HYCC2: variants seen among roughly 807,000 people sequenced by gnomAD.
HYCC2 encodes the protein hyccin 2.
At chr2:201,063,050 C>G in the HYCC2 span, 1 of 1,606,168 alleles carries the variant, frequency 6.2e-7, no homozygotes, top group South Asian at 1.1e-5. Flanking sequence ...TGGACGCCGC[C>G]GAAGAAGCAT....
At chr2:201,044,633 A>T in the HYCC2 span, among the ~76,000 whole-genome samples, 1 of 152,264 alleles carries the variant, frequency 6.6e-6, no homozygotes, top group African/African-American at 2.4e-5. Flanking sequence ...ATTTTTAAAG[A>T]TCTGATAAAT....
chr2:201,066,081 T>C, the HYCC2 span, among the ~76,000 whole-genome samples: 59 of 152,186 alleles, frequency 3.9e-4, no homozygotes, highest in African/African-American at 1.3e-3. Context: ...TTCTTTTCTT[T>C]TTTTTTTTTC....
chr2:201,017,143 A>C, the HYCC2 span: 5 of 1,613,768 alleles, frequency 3.1e-6, no homozygotes, highest in Non-Finnish European at 4.2e-6. Context: ...TAGAGCTCAA[A>C]CAGCTGATGG....
At chr2:201,027,908 T>G in the HYCC2 span, among the ~76,000 whole-genome samples, 1 of 151,970 alleles carries the variant, frequency 6.6e-6, no homozygotes, top group African/African-American at 2.4e-5. Context: ...TGGCACAAGA[T>G]AGGGATGCCC....
chr2:200,997,813 G>A, the HYCC2 span, among the ~76,000 whole-genome samples: 341 of 152,234 alleles, frequency 2.2e-3, 3 homozygotes, highest in African/African-American at 7.9e-3. Flanking sequence ...CGAAGTGGGT[G>A]GATCACAAGG....
the HYCC2 span, among the ~76,000 whole-genome samples, chr2:201,042,415 C>A: frequency 6.6e-5 from 10 of 151,966 alleles, 1 homozygote; most frequent in South Asian, 2.1e-3. Context: ...GCCCGGCCGC[C>A]CATCATCTGG....
At chr2:201,020,333 C>T in the HYCC2 span, among the ~76,000 whole-genome samples, 1 of 152,104 alleles carries the variant, frequency 6.6e-6, no homozygotes, top group East Asian at 1.9e-4. Flanking sequence ...TTGATGAACA[C>T]ACTGAGAGTA....
chr2:201,042,226 G>A, the HYCC2 span, among the ~76,000 whole-genome samples: 4 of 152,214 alleles, frequency 2.6e-5, no homozygotes, highest in East Asian at 1.9e-4. Context: ...CCGAGGTGCC[G>A]GGATTGCAGA....
At chr2:201,060,557 A>G in the HYCC2 span, among the ~76,000 whole-genome samples, 2 of 152,218 alleles carry the variant, frequency 1.3e-5, no homozygotes, top group Non-Finnish European at 2.9e-5. Context: ...GACACATGCT[A>G]AAGATGGCGA....
the HYCC2 span, among the ~76,000 whole-genome samples, chr2:201,033,692 C>T: frequency 8.6e-5 from 13 of 151,926 alleles, no homozygotes; most frequent in South Asian, 1.0e-3. Flanking sequence ...GTGTAAGCGA[C>T]GGCACCCAGC....
chr2:201,030,442 T>TTA, the HYCC2 span, among the ~76,000 whole-genome samples: 1 of 152,198 alleles, frequency 6.6e-6, no homozygotes, highest in Non-Finnish European at 1.5e-5. Flanking sequence ...AGATCTGTAT[T>TTA]TATATATATA....
At chr2:200,997,691 T>A in the HYCC2 span, 1 of 580,396 alleles carries the variant, frequency 1.7e-6, no homozygotes, top group Non-Finnish European at 3.1e-6. Flanking sequence ...ATATTCTCCT[T>A]ATTACAAATC....
chr2:201,046,364 C>T, the HYCC2 span, among the ~76,000 whole-genome samples: 1 of 152,112 alleles, frequency 6.6e-6, no homozygotes, highest in South Asian at 2.1e-4. Flanking sequence ...GCAGCTGACA[C>T]TTTATCTCAT....
At chr2:201,038,446 A>G in the HYCC2 span, among the ~76,000 whole-genome samples, 2 of 152,218 alleles carry the variant, frequency 1.3e-5, no homozygotes, top group Non-Finnish European at 2.9e-5. Context: ...ATTCACATGT[A>G]TGTTTACTGC....
the HYCC2 span, among the ~76,000 whole-genome samples, chr2:201,027,678 G>A: frequency 2.6e-5 from 4 of 151,866 alleles, no homozygotes; most frequent in African/African-American, 7.3e-5. Flanking sequence ...ATCAATAAAC[G>A]TAACCCATCA....
the HYCC2 span, among the ~76,000 whole-genome samples, chr2:201,043,432 T>TAA: frequency 0.047 from 3,489 of 74,800 alleles, 186 homozygotes; most frequent in African/African-American, 0.15. Flanking sequence ...CAATAAATAC[T>TAA]AAAAAAAAAA....
At chr2:200,978,343 T>C in the HYCC2 span, 1 of 151,944 alleles carries the variant, frequency 6.6e-6, no homozygotes, top group Non-Finnish European at 1.5e-5. Flanking sequence ...CTGAGGTCAA[T>C]TCACATCACC....
At chr2:201,058,086 T>C in the HYCC2 span, among the ~76,000 whole-genome samples, 1 of 152,148 alleles carries the variant, frequency 6.6e-6, no homozygotes. Flanking sequence ...CATTCCTCTC[T>C]GGAATGCCTT....
At chr2:201,061,049 G>A in the HYCC2 span, among the ~76,000 whole-genome samples, 2 of 151,514 alleles carry the variant, frequency 1.3e-5, no homozygotes, top group South Asian at 4.2e-4. Flanking sequence ...GAAAATAATG[G>A]GTTAAGAAAA....
Sources: allele counts gnomAD v4.1 joint callset (sites outside exome capture counted in the v4.1 genomes callset), GRCh38; gene constraint gnomAD v4.1.1; transcripts MANE v1.5; gene names NCBI Gene and HGNC (gene_info 2026-07-23, HGNC 2026-07-21).